SMIM14: variants seen among roughly 807,000 people sequenced by gnomAD.
The protein encoded by SMIM14 is chromosome 4 open reading frame 34.
Under a neutral mutation model 12.6 loss-of-function variants are expected in SMIM14, and 5 were observed. The ratio of observed to expected loss-of-function variants is 0.40; its 90% CI spans 0.21 to 0.83. The LOEUF (loss-of-function observed/expected upper bound fraction) is 0.83, where lower values mean the gene tolerates loss of function less well. Among genes scored for constraint, SMIM14 ranks in the 40% least tolerant of loss-of-function variants. The pLI is 0.37. For synonymous variants in SMIM14, 30 were observed against 40.1 expected (o/e 0.75, Z 0.95); for missense variants, 86 against 119.1 (o/e 0.72, Z 1.29).
chr4:39,605,348 G>A (rs1213572849), intron 1 of SMIM14, among the ~76,000 whole-genome samples, 168 bp from the exon 2 acceptor site: 1 of 152,038 alleles, frequency 6.6e-6, no homozygotes, highest in Non-Finnish European at 1.5e-5. Flanking sequence ...TATGAATTAT[G>A]AATCTATACA....
intron 1 of SMIM14, among the ~76,000 whole-genome samples, chr4:39,628,321 GA>G (rs1293905159): frequency 4.8e-5 from 7 of 145,384 alleles, no homozygotes; most frequent in East Asian, 2.1e-4. Context: ...AAAAAAAAAA[GA>G]AAAAAAATTC....
chr4:39,560,968 C>A (rs1317831145), intron 3 of SMIM14, among the ~76,000 whole-genome samples: 1 of 152,144 alleles, frequency 6.6e-6, no homozygotes, highest in African/African-American at 2.4e-5. Flanking sequence ...GCAGTGGCCT[C>A]TTAAGGGATC....
chr4:39,582,226 C>G (rs1455284421), intron 2 of SMIM14, among the ~76,000 whole-genome samples: 1 of 152,160 alleles, frequency 6.6e-6, no homozygotes, highest in Non-Finnish European at 1.5e-5. Flanking sequence ...GAAGAGTACC[C>G]TCTGAAACCT....
rs1747374382 is a variant in SMIM14 at position 39,547,116 on chromosome 4, T to G, written c.*5010A>C. 1 of 152,240 alleles carries G rather than the reference T, an allele frequency of 6.6e-6. No individual in the cohort carries two copies. Among genetic ancestry groups the G allele is most frequent in the Non-Finnish European group, 1.5e-5 (1 of 68,034 alleles). 9.4% of individuals were successfully genotyped at this position (152,240 alleles called of 1,614,324 possible). On this transcript the variant is annotated 3_prime_UTR_variant, in exon 5 of 5. Transcript: ENST00000295958. ...AGAGAGAAACTCTACTTCTGAATAC[T>G]GGCCCCATACTGCATATTTTATGAA...
At chr4:39,604,052 T>C (rs1714715515) in intron 2 of SMIM14, among the ~76,000 whole-genome samples, 1 of 151,788 alleles carries the variant, frequency 6.6e-6, no homozygotes, top group African/African-American at 2.4e-5. Flanking sequence ...GAGATTCGTA[T>C]TGTCATGCCA....
chr4:39,601,960 C>A (rs7664228), intron 2 of SMIM14, among the ~76,000 whole-genome samples: 110,244 of 133,766 alleles, frequency 0.82, 44,693 homozygotes, highest in Non-Finnish European at 0.88. Flanking sequence ...AAAAAAAAAA[C>A]AAAAAAAATG....
chr4:39,618,675 A>C (rs1369164008), intron 1 of SMIM14, among the ~76,000 whole-genome samples: 1 of 151,696 alleles, frequency 6.6e-6, no homozygotes, highest in Non-Finnish European at 1.5e-5. Flanking sequence ...CAAAAAAAAA[A>C]AACCAAAGCC....
At chr4:39,627,395 A>G (rs539862778) in intron 1 of SMIM14, among the ~76,000 whole-genome samples, 1 of 152,278 alleles carries the variant, frequency 6.6e-6, no homozygotes, top group South Asian at 2.1e-4. Context: ...CCAAAACATC[A>G]TGGGACAGCA....
intron 1 of SMIM14, among the ~76,000 whole-genome samples, chr4:39,617,955 T>C (rs1339531919): frequency 6.6e-6 from 1 of 152,236 alleles, no homozygotes; most frequent in East Asian, 1.9e-4. Flanking sequence ...AGTTTTGTTT[T>C]TTATCTTCTC....
rs1418007493 is a variant in SMIM14, at chr4:39,551,580, ACAATC to A, written c.*541_*545del. 6.6e-6 allele frequency: 1 copy of A among 152,614 alleles called. No individual in the cohort carries two copies. The highest frequency in any genetic ancestry group is 1.5e-5 in the Non-Finnish European group (1 of 68,046). 9.5% of individuals were successfully genotyped at this position (152,614 alleles called of 1,614,324 possible). ...ACAGATTTCAGCTGTAATTTGCAAAACAATCCAAGAGCTACCACAGTCCCCAAAAC... is the reference window on the plus strand; with the variant it reads ...ACAGATTTCAGCTGTAATTTGCAAAACAAGAGCTACCACAGTCCCCAAAAC... On this transcript the variant is annotated 3_prime_UTR_variant, in exon 5 of 5. Coordinates refer to ENST00000295958, the MANE Select transcript of SMIM14 (RefSeq NM_174921.3).
intron 1 of SMIM14, among the ~76,000 whole-genome samples, chr4:39,633,778 T>C (rs892011137): frequency 2.0e-5 from 3 of 152,180 alleles, no homozygotes; most frequent in Non-Finnish European, 1.5e-5. Context: ...CTCTGATGAT[T>C]GTATCAACGA....
intron 2 of SMIM14, among the ~76,000 whole-genome samples, chr4:39,573,346 C>T (rs964688366): frequency 6.6e-6 from 1 of 152,076 alleles, no homozygotes; most frequent in East Asian, 1.9e-4. Flanking sequence ...GATCCACTTG[C>T]CTCGGCCTCC....
At chr4:39,631,424 C>T (rs548088001) in intron 1 of SMIM14, among the ~76,000 whole-genome samples, 1 of 151,328 alleles carries the variant, frequency 6.6e-6, no homozygotes, top group East Asian at 2.0e-4. Context: ...TTTGGGAGGC[C>T]AAGGCGGGCG....
At chr4:39,578,911 G>A (rs148473098) in intron 2 of SMIM14, among the ~76,000 whole-genome samples, 10 of 150,736 alleles carry the variant, frequency 6.6e-5, no homozygotes, top group East Asian at 2.0e-4. Flanking sequence ...CAGCAGAATC[G>A]CTTGAACCTG....
chr4:39,632,334 G>T (rs947802093), intron 1 of SMIM14, among the ~76,000 whole-genome samples: 2 of 152,100 alleles, frequency 1.3e-5, no homozygotes, highest in East Asian at 3.9e-4. Flanking sequence ...ACAAAAATTA[G>T]CTGGGCATGG....
At position 39,572,277 on chromosome 4, in the gene SMIM14, CTT is replaced by C. The variant is rs71192876; in HGVS notation, c.124+136_124+137del. Reference sequence around the variant, plus strand: ...TAATTTCTTTTGTGCGTATGTGTCGCTTTTTTTTTTTTTTTTTTTTTTTTTGG... The same window carrying C: ...TAATTTCTTTTGTGCGTATGTGTCGCTTTTTTTTTTTTTTTTTTTTTTTGG... On this transcript the variant is annotated intron_variant, in intron 3 of 4. Transcript: ENST00000295958. 784 of 210,652 alleles carry C rather than the reference CTT, an allele frequency of 3.7e-3. 7 individuals are homozygous for C. Among genetic ancestry groups the C allele is most frequent in the East Asian group, 0.031 (268 of 8,552 alleles). The allele number at this position is 210,652 out of a possible 1,614,324, so 13.0% of individuals were successfully genotyped here.
At chr4:39,570,142 T>C (rs1325052250) in intron 3 of SMIM14, among the ~76,000 whole-genome samples, 1 of 152,150 alleles carries the variant, frequency 6.6e-6, no homozygotes, top group Non-Finnish European at 1.5e-5. Flanking sequence ...TGCTTTTTCC[T>C]TGTTCATCTA....
chr4:39,604,988 C>A (rs1714750713), intron 2 of SMIM14, 83 bp downstream of exon 2: 2 of 831,626 alleles, frequency 2.4e-6, no homozygotes, highest in Non-Finnish European at 4.0e-6. Flanking sequence ...AGATGAAAAC[C>A]CTCCAATAAC....
Position 39,549,960 on chromosome 4 carries a change from G to A in SMIM14, c.*2166C>T, listed in dbSNP as rs1711582174. Reference sequence around the variant, plus strand: ...TTGAGCACAAAGCCAGGATGTACAAGGAGGAATTCAAACAATCAATATTGG... The same window carrying A: ...TTGAGCACAAAGCCAGGATGTACAAAGAGGAATTCAAACAATCAATATTGG... On this transcript the variant is annotated 3_prime_UTR_variant, in exon 5 of 5. Coordinates refer to ENST00000295958, the MANE Select transcript of SMIM14 (RefSeq NM_174921.3). 6.7e-6 allele frequency: 1 copy of A among 148,204 alleles called. No individual in the cohort carries two copies. Among genetic ancestry groups the A allele is most frequent in the African/African-American group, 2.4e-5 (1 of 41,288 alleles). The allele number at this position is 148,204 out of a possible 1,614,324, so 9.2% of individuals were successfully genotyped here.
Sources: gnomAD v4.1 joint callset for allele counts (sites outside exome capture counted in the v4.1 genomes callset) on GRCh38, gnomAD v4.1.1 for gene constraint, MANE v1.5 for transcripts, NCBI Gene and HGNC (gene_info 2026-07-23, HGNC 2026-07-21) for gene names.